LCOR: variants seen among roughly 807,000 people sequenced by gnomAD.
The protein encoded by LCOR is ligand dependent nuclear receptor corepressor.
Under a neutral mutation model 64.4 loss-of-function variants are expected in LCOR, and 14 were observed. The observed-to-expected ratio is 0.22, with a 90% CI of 0.14 to 0.34. The LOEUF (loss-of-function observed/expected upper bound fraction) is 0.34. Ranked by LOEUF, LCOR falls within the 10% of genes least tolerant of loss-of-function variation. The pLI is 1.00. For synonymous variants in LCOR, 643 were observed against 642.5 expected (o/e 1.00, Z -0.01); for missense variants, 1,686 against 1,765.3 (o/e 0.96, Z 0.80).
chr10:96,916,895 GTGAGCCAC>G (rs1275360379), intron 4 of LCOR, among the ~76,000 whole-genome samples: 2 of 152,176 alleles, frequency 1.3e-5, no homozygotes, highest in Admixed American at 6.5e-5. Flanking sequence ...GATTACAGGC[GTGAGCCAC>G]TGTGCCCAGC....
intron 2 of LCOR, among the ~76,000 whole-genome samples, chr10:96,895,360 G>A (rs1189865847): frequency 6.6e-6 from 1 of 152,100 alleles, no homozygotes; most frequent in Non-Finnish European, 1.5e-5. Flanking sequence ...ACATCATCAA[G>A]CAAGTTGGTT....
chr10:96,854,405 C>T (rs1231239908), intron 2 of LCOR, among the ~76,000 whole-genome samples: 1 of 152,164 alleles, frequency 6.6e-6, no homozygotes, highest in Non-Finnish European at 1.5e-5. Flanking sequence ...GGCTCAACCA[C>T]AGCCTCCGCC....
intron 2 of LCOR, among the ~76,000 whole-genome samples, chr10:96,884,643 A>G (rs1846313215): frequency 6.6e-6 from 1 of 152,202 alleles, no homozygotes; most frequent in Non-Finnish European, 1.5e-5. Flanking sequence ...CTGATTGATT[A>G]GGTCTGGGTT....
At chr10:96,962,657 T>TA (rs1159303625) in intron 7 of LCOR, 3 of 152,204 alleles carry the variant, frequency 2.0e-5, no homozygotes, top group Non-Finnish European at 2.9e-5. Context: ...TGGATATTGA[T>TA]ATGCTGTGCT....
In LCOR at chr10:96,984,370, C is replaced by A; in HGVS notation, c.3910C>A (p.Pro1304Thr). The A allele has an allele frequency of 6.2e-7, 1 of 1,614,178 alleles. No homozygotes were observed. Among genetic ancestry groups the A allele is most frequent in the South Asian group, 1.1e-5 (1 of 91,084 alleles). ...TCATCCTCCAGCAAACCTGCCCACT[C>A]CAGCCAGTACCCGGATTCTTAGAAA... The part of the protein sequence containing the change: ...NSHPPANLPT[P>T]ASTRILRKYS... Residue 1304 changes from proline (P) to threonine (T), a missense_variant, in exon 8 of 8, where the codon CCA becomes ACA. By Grantham distance (38) the Pro-to-Thr change is conservative. Around this residue, in one of 3 missense-constraint regions of LCOR, gnomAD observed 1,293 missense variants for 1,410.4 expected, o/e 0.92. Transcript: ENST00000421806.
intron 4 of LCOR, among the ~76,000 whole-genome samples, chr10:96,919,750 T>C (rs1847015948): frequency 6.6e-6 from 1 of 152,244 alleles, no homozygotes; most frequent in African/African-American, 2.4e-5. Context: ...AATCATATAG[T>C]ATTTGTCGTT....
chr10:96,844,786 A>T (rs1589600533), intron 2 of LCOR, among the ~76,000 whole-genome samples: 2 of 152,212 alleles, frequency 1.3e-5, no homozygotes, highest in Non-Finnish European at 2.9e-5. Flanking sequence ...TTCTACGCCT[A>T]CAGAGTCTTC....
At chr10:96,839,410 A>G (rs1187380884) in intron 2 of LCOR, among the ~76,000 whole-genome samples, 1 of 152,204 alleles carries the variant, frequency 6.6e-6, no homozygotes, top group Non-Finnish European at 1.5e-5. Context: ...ACGAAATAGA[A>G]TTCTCAAGAA....
chr10:96,861,038 CAG>C (rs1327842292), intron 2 of LCOR, among the ~76,000 whole-genome samples: 5 of 152,024 alleles, frequency 3.3e-5, no homozygotes, highest in Admixed American at 1.3e-4. Flanking sequence ...TTTCAGCAAA[CAG>C]AGTTGGATAA....
chr10:96,948,066 G>T (rs560423438), intron 5 of LCOR, among the ~76,000 whole-genome samples: 1 of 152,234 alleles, frequency 6.6e-6, no homozygotes, highest in African/African-American at 2.4e-5. Flanking sequence ...GAGGCATGAT[G>T]ATAATATATT....
At position 96,983,599 on chromosome 10, in the gene LCOR, C is replaced by T. The variant is rs370948674; in HGVS notation, c.3139C>T (p.His1047Tyr). ...TSSTYNLRHA[H>Y]SLGSLDASKV... ...TTCAACCTACAACCTAAGACACGCT[C>T]ATTCTCTGGGCTCCTTGGATGCTTC... is the stretch of plus-strand genomic sequence containing the variant. Residue 1047 changes from histidine (H) to tyrosine (Y), a missense_variant, in exon 8 of 8, where the codon CAT (histidine) becomes TAT (tyrosine). Physicochemically the swap from His to Tyr is moderately conservative, Grantham distance 83 (BLOSUM62 2). This residue lies in a region of LCOR where 1,293 missense variants were observed against 1,410.4 expected (regional missense o/e 0.92). Coordinates refer to ENST00000421806, the MANE Select transcript of LCOR (RefSeq NM_001346516.2). This position sits in a 1 kb window ranked among gnomAD's most constrained non-coding sequence, Gnocchi z 4.5. 3.4e-5 allele frequency: 55 copies of T among 1,614,206 alleles called. 1 individual carries two copies. Among genetic ancestry groups the T allele is most frequent in the South Asian group, 1.1e-4 (10 of 91,070 alleles).
Position 96,981,388 on chromosome 10 carries a change from C to A in LCOR, c.928C>A (p.His310Asn). Residue 310 changes from histidine (H) to asparagine (N), a missense_variant, in exon 8 of 8, where the codon CAT (histidine) becomes AAT (asparagine). His to Asn is a moderately conservative substitution (Grantham distance 68, BLOSUM62 1). Around this residue, in one of 3 missense-constraint regions of LCOR, gnomAD observed 313 missense variants for 247.2 expected, o/e 1.27. Transcript: ENST00000421806. ...GAACATATGTGAGGATGGTAAAGAC[C>A]ATATGCAGAGTTCAGCTTTAGTAGA... ...NVNICEDGKDHMQSSALVESL... is the reference protein window; with the variant it reads ...NVNICEDGKDNMQSSALVESL... 6.2e-7 allele frequency: 1 copy of A among 1,614,108 alleles called. No individual in the cohort carries two copies. Among genetic ancestry groups the A allele is most frequent in the South Asian group, 1.1e-5 (1 of 91,070 alleles).
chr10:96,858,350 A>G (rs2134388648), intron 2 of LCOR, among the ~76,000 whole-genome samples: 1 of 152,240 alleles, frequency 6.6e-6, no homozygotes, highest in South Asian at 2.1e-4. Flanking sequence ...AGGTCTGGGG[A>G]TTTTCGACAG....
rs556642303 is a variant in LCOR at position 96,833,424 on chromosome 10, C to T, written c.-385C>T. On this transcript the variant is annotated 5_prime_UTR_variant, in exon 2 of 8. Coordinates refer to ENST00000421806, the MANE Select transcript of LCOR (RefSeq NM_001346516.2). ...TCCCAAGGTCCCGTTTCCCTCTGTG[C>T]GGCGGCCGGCGGGACCATAAGGGCT... 10 of 986,026 alleles carry T rather than the reference C, an allele frequency of 1.0e-5. No homozygotes were observed. In the East Asian group the frequency reaches 1.1e-3, roughly 112 times the overall value. 61.1% of individuals were successfully genotyped at this position (986,026 alleles called of 1,614,324 possible).
At chr10:96,921,718 C>G (rs745778445) in intron 4 of LCOR, among the ~76,000 whole-genome samples, 1 of 152,190 alleles carries the variant, frequency 6.6e-6, no homozygotes, top group Non-Finnish European at 1.5e-5. Context: ...CCTGCCTTGG[C>G]CTCCCAAAGA....
chr10:96,883,241 T>C (rs1038738140), intron 2 of LCOR, among the ~76,000 whole-genome samples: 1 of 152,100 alleles, frequency 6.6e-6, no homozygotes, highest in Non-Finnish European at 1.5e-5. Context: ...ACCATGTTGG[T>C]CACACTGGTC....
chr10:96,936,801 A>G (rs1847358034), intron 4 of LCOR, among the ~76,000 whole-genome samples: 2 of 149,266 alleles, frequency 1.3e-5, no homozygotes, highest in Admixed American at 1.3e-4. Flanking sequence ...GGATGCCTGA[A>G]ACTACAGATC....
intron 2 of LCOR, among the ~76,000 whole-genome samples, chr10:96,885,980 C>T (rs954866359): frequency 7.2e-5 from 11 of 152,252 alleles, no homozygotes; most frequent in East Asian, 3.9e-4. Flanking sequence ...CAGGTTCAAG[C>T]GATTCTTGTG....
At chr10:96,857,275 G>C (rs1163689174) in intron 2 of LCOR, among the ~76,000 whole-genome samples, 1 of 152,118 alleles carries the variant, frequency 6.6e-6, no homozygotes, top group East Asian at 1.9e-4. Context: ...GAAATAAAAA[G>C]AACAGACATC....
Sources: gnomAD v4.1 joint callset for allele counts (sites outside exome capture counted in the v4.1 genomes callset) on GRCh38, gnomAD v4.1.1 for gene constraint, gnomAD v4.1.1 regional missense constraint, Gnocchi (gnomAD v3.1) non-coding constraint, MANE v1.5 for transcripts, NCBI Gene and HGNC (gene_info 2026-07-23, HGNC 2026-07-21) for gene names.